The following PLEKHD1 variants were observed in gnomAD, a reference collection of about 807,000 sequenced individuals.
PLEKHD1 encodes the protein pleckstrin homology and coiled-coil domain containing D1.
In PLEKHD1, 51 loss-of-function variants were observed where a neutral mutation model predicts 69.2. That is an observed-to-expected ratio of 0.74 (90% CI 0.59 to 0.93). PLEKHD1 has a LOEUF of 0.93. Among genes scored for constraint, PLEKHD1 ranks in the 40% least tolerant of loss-of-function variants. The pLI, the probability that PLEKHD1 is intolerant of heterozygous loss-of-function variation, is 0.00. For synonymous variants in PLEKHD1, 236 were observed against 244.7 expected (o/e 0.96, Z 0.33); for missense variants, 584 against 641.0 (o/e 0.91, Z 0.96).
At position 69,515,648 on chromosome 14, in the gene PLEKHD1, G is replaced by A. The variant is rs992605193; in HGVS notation, c.556-6635G>A. ...GAAGCTTACAATCATGGCAGATGGT[G>A]AAGGTGGAGCAGACATGTCACATGA... On this transcript the variant is annotated intron_variant, in intron 6 of 12. Transcript: ENST00000322564. Among the ~76,000 whole-genome samples, 8 of 152,226 alleles carry A rather than the reference G, an allele frequency of 5.3e-5. 1 individual carries two copies. Among genetic ancestry groups the A allele is most frequent in the African/African-American group, 9.6e-5 (4 of 41,464 alleles).
At chr14:69,495,008 T>C (rs977681463) in intron 1 of PLEKHD1, among the ~76,000 whole-genome samples, 1 of 152,012 alleles carries the variant, frequency 6.6e-6, no homozygotes, top group Non-Finnish European at 1.5e-5. Flanking sequence ...GACCCCCATC[T>C]CCACCCAAGC....
intron 6 of PLEKHD1, among the ~76,000 whole-genome samples, chr14:69,511,364 G>A (rs1030158679): frequency 4.0e-5 from 6 of 151,856 alleles, no homozygotes; most frequent in Admixed American, 3.9e-4. Flanking sequence ...CATCACGTTG[G>A]TCAGGCTGGT....
At chr14:69,475,669 A>C in the PLEKHD1 span, among the ~76,000 whole-genome samples, 2 of 152,184 alleles carry the variant, frequency 1.3e-5, no homozygotes, top group African/African-American at 2.4e-5. Context: ...CTTCCCCGCA[A>C]GTGAGGCTTC....
chr14:69,475,666 G>A, the PLEKHD1 span, among the ~76,000 whole-genome samples: 3 of 152,268 alleles, frequency 2.0e-5, no homozygotes, highest in Middle Eastern at 3.4e-3. Context: ...GTGCTTCCCC[G>A]CAAGTGAGGC....
the PLEKHD1 span, among the ~76,000 whole-genome samples, chr14:69,479,634 C>A: frequency 6.8e-6 from 1 of 146,770 alleles, no homozygotes; most frequent in African/African-American, 2.4e-5. Context: ...TAGGAAGACC[C>A]CATCTCTAAA....
chr14:69,468,562 TTTCC>T, the PLEKHD1 span, among the ~76,000 whole-genome samples: 14 of 136,312 alleles, frequency 1.0e-4, no homozygotes, highest in African/African-American at 3.7e-4. Flanking sequence ...TCTTTCTTTC[TTTCC>T]TTCCTTCTTT....
chr14:69,502,746 C>T, intron 5 of PLEKHD1, 81 bp from the exon 6 acceptor site: 3 of 1,531,046 alleles, frequency 2.0e-6, no homozygotes, highest in Non-Finnish European at 2.7e-6. Context: ...ACAGCGACCA[C>T]CTCAGGCACC....
intron 1 of PLEKHD1, among the ~76,000 whole-genome samples, chr14:69,490,029 G>A (rs1487154781): frequency 1.3e-5 from 2 of 152,120 alleles, no homozygotes; most frequent in Admixed American, 6.6e-5. Context: ...ACCATGCCCG[G>A]CTAATTTTTG....
chr14:69,526,155 G>GGA, intron 9 of PLEKHD1, 33 bp downstream of exon 9: 1 of 1,521,558 alleles, frequency 6.6e-7, no homozygotes, highest in Non-Finnish European at 8.8e-7. Context: ...AGACACCATT[G>GGA]ACTTTGGGGT....
the PLEKHD1 span, among the ~76,000 whole-genome samples, chr14:69,478,993 G>A: frequency 3.3e-5 from 5 of 152,140 alleles, 1 homozygote; most frequent in East Asian, 3.8e-4. Flanking sequence ...GTTTTACGTC[G>A]CTGATAAAGA....
rs1882620289 is a variant in PLEKHD1, at chr14:69,484,939, G to T, written c.-27G>T. The T allele has an allele frequency of 2.6e-6, 4 of 1,547,006 alleles. No individual in the cohort carries two copies. The highest frequency in any genetic ancestry group is 3.5e-6 in the Non-Finnish European group (4 of 1,144,166). ...GCTGACCCCGGGGAGGTGGGGTCCG[G>T]GCCGGGCACAGCCCCGCTGAGGCAG... On this transcript the variant is annotated 5_prime_UTR_variant, in exon 1 of 13. Transcript: ENST00000322564.
intron 7 of PLEKHD1, 105 bp downstream of exon 7, chr14:69,522,482 C>T: frequency 8.2e-7 from 1 of 1,216,344 alleles, no homozygotes; most frequent in South Asian, 1.4e-5. Context: ...ATGCTATCTT[C>T]CCAAGGCTCC....
At chr14:69,472,274 T>C in the PLEKHD1 span, among the ~76,000 whole-genome samples, 2 of 152,200 alleles carry the variant, frequency 1.3e-5, no homozygotes, top group Non-Finnish European at 2.9e-5. Context: ...TTTTAATTCT[T>C]CTAAGCTAGA....
At chr14:69,476,977 G>T in the PLEKHD1 span, among the ~76,000 whole-genome samples, 1 of 151,500 alleles carries the variant, frequency 6.6e-6, no homozygotes, top group South Asian at 2.1e-4. Context: ...GGGCTTGGGC[G>T]GGGAAACTCC....
intron 1 of PLEKHD1, among the ~76,000 whole-genome samples, chr14:69,493,750 C>G (rs145552328): frequency 1.3e-3 from 196 of 152,334 alleles, no homozygotes; most frequent in African/African-American, 4.4e-3. Context: ...GCTCTTTAAT[C>G]TGGAAATGAA....
intron 6 of PLEKHD1, among the ~76,000 whole-genome samples, chr14:69,515,595 A>T (rs1368691529): frequency 6.6e-6 from 1 of 152,210 alleles, no homozygotes; most frequent in Non-Finnish European, 1.5e-5. Flanking sequence ...TGGTGCTGGC[A>T]TCTGCACAGC....
the PLEKHD1 span, among the ~76,000 whole-genome samples, chr14:69,477,204 G>A: frequency 2.0e-5 from 3 of 152,014 alleles, no homozygotes; most frequent in Admixed American, 2.0e-4. Flanking sequence ...GTAGAGATGG[G>A]GTTTCACCAC....
chr14:69,510,856 T>C (rs1224589134), intron 6 of PLEKHD1, among the ~76,000 whole-genome samples: 1 of 152,232 alleles, frequency 6.6e-6, no homozygotes, highest in Non-Finnish European at 1.5e-5. Context: ...GGCAAGCTTC[T>C]AGTTTCTCAC....
intron 1 of PLEKHD1, among the ~76,000 whole-genome samples, chr14:69,490,052 G>A (rs1355756201): frequency 6.6e-6 from 1 of 152,172 alleles, no homozygotes; most frequent in Non-Finnish European, 1.5e-5. Flanking sequence ...TTTTTGAGTA[G>A]AGATGGGGTT....
Sources: allele counts gnomAD v4.1 joint callset (sites outside exome capture counted in the v4.1 genomes callset), GRCh38; gene constraint gnomAD v4.1.1; transcripts MANE v1.5; gene names NCBI Gene and HGNC (gene_info 2026-07-23, HGNC 2026-07-21).